Variants in CREB5 observed in about 807,000 individuals in gnomAD.
CREB5 encodes cAMP responsive element binding protein 5, also known as cyclic AMP-responsive element-binding protein 5.
In CREB5, 19 loss-of-function variants were observed where a neutral mutation model predicts 57.1. The observed-to-expected ratio is 0.33, with a 90% CI of 0.23 to 0.49. CREB5 has a LOEUF of 0.49. CREB5 is among the 20% of genes least tolerant of loss of function. The probability of loss-of-function intolerance (pLI) is 0.99; values close to 1 mark genes in which losing one functional copy is unlikely to be tolerated. For synonymous variants in CREB5, 238 were observed against 238.3 expected (o/e 1.00, Z 0.01); for missense variants, 579 against 671.6 (o/e 0.86, Z 1.52).
chr7:28,768,395 T>C (rs1030874629), intron 7 of CREB5, among the ~76,000 whole-genome samples: 1 of 152,074 alleles, frequency 6.6e-6, no homozygotes. Context: ...CTCAAATGGG[T>C]AAAGAATCTG....
At chr7:28,723,324 T>C (rs899577874) in intron 6 of CREB5, among the ~76,000 whole-genome samples, 1 of 152,212 alleles carries the variant, frequency 6.6e-6, no homozygotes, top group Non-Finnish European at 1.5e-5. Flanking sequence ...ACACCCTTCC[T>C]GAATGGAAGT....
At chr7:28,629,373 C>A (rs538153429) in intron 5 of CREB5, among the ~76,000 whole-genome samples, 2 of 152,190 alleles carry the variant, frequency 1.3e-5, no homozygotes, top group South Asian at 4.1e-4. Flanking sequence ...AGACGCCCAG[C>A]GTGCGGGTCA....
intron 3 of CREB5, among the ~76,000 whole-genome samples, chr7:28,495,630 G>A (rs1792008276): frequency 1.3e-5 from 2 of 152,122 alleles, no homozygotes; most frequent in African/African-American, 4.8e-5. Flanking sequence ...TGTGAGCCAT[G>A]GGAAATGCAA....
At chr7:28,672,222 G>A (rs1800088849) in intron 5 of CREB5, among the ~76,000 whole-genome samples, 1 of 128,882 alleles carries the variant, frequency 7.8e-6, no homozygotes, top group Non-Finnish European at 1.7e-5. Context: ...CACAAACACT[G>A]GACTAGGTTT....
At chr7:28,402,134 G>A (rs1286103477) in intron 1 of CREB5, among the ~76,000 whole-genome samples, 1 of 152,124 alleles carries the variant, frequency 6.6e-6, no homozygotes, top group Non-Finnish European at 1.5e-5. Context: ...TCTCATTGTG[G>A]TTTTGATTTG....
chr7:28,655,719 C>T (rs1416168385), intron 5 of CREB5, among the ~76,000 whole-genome samples: 1 of 152,104 alleles, frequency 6.6e-6, no homozygotes. Flanking sequence ...ATATTATGTG[C>T]TTTTTTATCA....
intron 1 of CREB5, among the ~76,000 whole-genome samples, chr7:28,413,635 C>T (rs539020912): frequency 1.1e-4 from 16 of 152,202 alleles, no homozygotes; most frequent in African/African-American, 3.4e-4. Context: ...TGTCAATTAG[C>T]GGTCAGTCGT....
chr7:28,752,960 A>C (rs1805072615), intron 7 of CREB5, among the ~76,000 whole-genome samples: 1 of 151,952 alleles, frequency 6.6e-6, no homozygotes, highest in Admixed American at 6.6e-5. Context: ...TGTGGAAATA[A>C]ATTCTCAGAG....
chr7:28,481,275 G>C (rs1791320742), intron 1 of CREB5, among the ~76,000 whole-genome samples: 1 of 152,242 alleles, frequency 6.6e-6, no homozygotes, highest in African/African-American at 2.4e-5. Flanking sequence ...CCCAAAGGGG[G>C]CTGTGATTCA....
intron 5 of CREB5, among the ~76,000 whole-genome samples, chr7:28,610,515 C>A (rs1797342160): frequency 6.6e-6 from 1 of 152,128 alleles, no homozygotes; most frequent in African/African-American, 2.4e-5. Context: ...ACAGAGGGAC[C>A]TAAATCCCCC....
At chr7:28,717,048 T>A (rs969232883) in intron 5 of CREB5, among the ~76,000 whole-genome samples, 5 of 151,978 alleles carry the variant, frequency 3.3e-5, no homozygotes, top group Admixed American at 2.0e-4. Context: ...GTGTAATTAG[T>A]GTATATCTGC....
chr7:28,647,425 A>G (rs1403886813), intron 5 of CREB5, among the ~76,000 whole-genome samples: 2 of 152,022 alleles, frequency 1.3e-5, no homozygotes, highest in Non-Finnish European at 2.9e-5. Context: ...CTAAAATGGC[A>G]TGTGTTTAAT....
rs114712509 is a variant in CREB5, at chr7:28,738,738, C to T, written c.702+14406C>T. Among the ~76,000 whole-genome samples the T allele has an allele frequency of 8.0e-3, 1,215 of 152,236 alleles. 20 individuals carry two copies. The highest frequency in any genetic ancestry group is 0.028 in the African/African-American group (1,156 of 41,526). On this transcript the variant is annotated intron_variant, in intron 7 of 10. Transcript: ENST00000357727. Reference sequence around the variant, plus strand: ...TGAGGAAAGATGAGCTAAAGAACTGCGTATGCTCCTTAGACAAAGATAATT... The same window carrying T: ...TGAGGAAAGATGAGCTAAAGAACTGTGTATGCTCCTTAGACAAAGATAATT...
intron 5 of CREB5, among the ~76,000 whole-genome samples, chr7:28,640,518 C>G (rs980242442): frequency 3.9e-5 from 6 of 152,174 alleles, no homozygotes; most frequent in Non-Finnish European, 7.4e-5. Context: ...TATCACATGA[C>G]TGCTTGCGAC....
intron 2 of CREB5, chr7:28,491,230 T>G: frequency 1.0e-6 from 1 of 985,348 alleles, no homozygotes; most frequent in Non-Finnish European, 1.2e-6. Flanking sequence ...GAGCTGGAGT[T>G]TGTCAAGAAC....
chr7:28,348,879 C>T (rs1786129787), intron 1 of CREB5, among the ~76,000 whole-genome samples: 1 of 152,236 alleles, frequency 6.6e-6, no homozygotes. Flanking sequence ...CAGGCAGCTG[C>T]ATAAATTGCT....
chr7:28,691,187 A>G (rs1801236089), intron 5 of CREB5, among the ~76,000 whole-genome samples: 1 of 152,174 alleles, frequency 6.6e-6, no homozygotes, highest in Non-Finnish European at 1.5e-5. Flanking sequence ...TGGGAGGCCA[A>G]GGCAGATGGA....
At chr7:28,383,896 A>G (rs969491655) in intron 1 of CREB5, among the ~76,000 whole-genome samples, 3 of 152,232 alleles carry the variant, frequency 2.0e-5, no homozygotes, top group African/African-American at 7.2e-5. Flanking sequence ...GTACACCTAC[A>G]AATCACTTAA....
chr7:28,454,235 G>A lies in CREB5; in HGVS notation c.4-33940G>A, dbSNP rs138475620. Among the ~76,000 whole-genome samples, 22 of 152,294 alleles carry A rather than the reference G, an allele frequency of 1.4e-4. No individual in the cohort carries two copies. In the East Asian group the frequency reaches 3.9e-3, roughly 27 times the overall value. ...CCCAAAGTGCTGGGTTTACAGGCATGAGCCACCACGCGCGGCTCCAATTCT... is the reference window on the plus strand; with the variant it reads ...CCCAAAGTGCTGGGTTTACAGGCATAAGCCACCACGCGCGGCTCCAATTCT... On this transcript the variant is annotated intron_variant, in intron 1 of 10. Coordinates refer to ENST00000357727, the MANE Select transcript of CREB5 (RefSeq NM_182898.4).
Sources: allele counts gnomAD v4.1 joint callset (sites outside exome capture counted in the v4.1 genomes callset), GRCh38; gene constraint gnomAD v4.1.1; transcripts MANE v1.5; gene names NCBI Gene and HGNC (gene_info 2026-07-23, HGNC 2026-07-21).